DNAH14: variants seen among roughly 807,000 people sequenced by gnomAD.
DNAH14 encodes the protein dynein axonemal heavy chain 14, also known as axonemal beta dynein heavy chain 14.
In DNAH14, 478 loss-of-function variants were observed where a neutral mutation model predicts 520.9. The ratio of observed to expected loss-of-function variants is 0.92; its 90% CI spans 0.85 to 0.99. The LOEUF (loss-of-function observed/expected upper bound fraction) is 0.99, where lower values mean the gene tolerates loss of function less well. DNAH14 is among the 50% of genes least tolerant of loss of function. The pLI, the probability that DNAH14 is intolerant of heterozygous loss-of-function variation, is 0.00. For synonymous variants in DNAH14, 1,581 were observed against 1,757.2 expected, an observed-to-expected ratio of 0.90 and a Z score of 2.51; for missense variants, 4,831 against 5,234.5, an observed-to-expected ratio of 0.92 and a Z score of 2.38.
At chr1:224,990,467 T>G (rs998372234) in intron 8 of DNAH14, among the ~76,000 whole-genome samples, 3 of 152,190 alleles carry the variant, frequency 2.0e-5, no homozygotes, top group African/African-American at 7.2e-5. Context: ...TCTCCTCCAT[T>G]TCCCCTACCC....
intron 47 of DNAH14, 67 bp downstream of exon 47, chr1:225,264,328 T>C: frequency 1.7e-6 from 2 of 1,211,382 alleles, no homozygotes; most frequent in Non-Finnish European, 2.3e-6. Flanking sequence ...GTGTATATTA[T>C]TTCTTACATT....
At chr1:224,960,395 GAA>G in intron 4 of DNAH14, 93 bp downstream of exon 4, 1 of 1,288,316 alleles carries the variant, frequency 7.8e-7, no homozygotes, top group Non-Finnish European at 1.0e-6. Context: ...ACTGACTTTA[GAA>G]AAAACAGTCT....
At position 225,119,234 on chromosome 1, in the gene DNAH14, G is replaced by T; in HGVS notation, c.4106G>T (p.Arg1369Ile). 1 of 1,520,574 alleles carries T rather than the reference G, an allele frequency of 6.6e-7. No homozygotes were observed. The allele number at this position is 1,520,574 out of a possible 1,614,324, so 94.2% of individuals were successfully genotyped here. A position where few individuals can be genotyped will look rare whatever the true frequency, so the allele number is the denominator to read the frequency against. ...GLVLPKKIRVRSAVEQWLVNV... is the reference protein window; with the variant it reads ...GLVLPKKIRVISAVEQWLVNV... The stretch of plus-strand genomic sequence containing the variant: ...ACTAATTTTAGGAAAATTCGTGTAA[G>T]AAGTGCTGTAGAACAGTGGCTGGTA... Residue 1369 changes from arginine (R) to isoleucine (I), a missense_variant, in exon 26 of 86, where the codon AGA (arginine) becomes ATA (isoleucine). Arg to Ile is a moderately conservative substitution (Grantham distance 97, BLOSUM62 -3). Coordinates refer to ENST00000682510, the MANE Select transcript of DNAH14 (RefSeq NM_001367479.1).
intron 25 of DNAH14, chr1:225,118,303 T>A (rs2077022862): frequency 2.5e-6 from 1 of 397,848 alleles, no homozygotes; most frequent in East Asian, 5.1e-5. Flanking sequence ...GCTTTTTCCC[T>A]TTTTGGTTTT....
intron 44 of DNAH14, among the ~76,000 whole-genome samples, chr1:225,254,683 T>C (rs1426496736): frequency 6.6e-6 from 1 of 152,176 alleles, no homozygotes; most frequent in Non-Finnish European, 1.5e-5. Flanking sequence ...AAGCCTACAA[T>C]CTAAAACTGA....
chr1:225,060,827 C>T (rs112361213), intron 17 of DNAH14, among the ~76,000 whole-genome samples: 13,431 of 44,902 alleles, frequency 0.3, 6,290 homozygotes, highest in Non-Finnish European at 0.92. Context: ...TGCAGAACAG[C>T]GGATATTGGT....
chr1:225,180,758 GC>G (rs1459648088), intron 36 of DNAH14, among the ~76,000 whole-genome samples: 1 of 152,134 alleles, frequency 6.6e-6, no homozygotes, highest in Non-Finnish European at 1.5e-5. Flanking sequence ...CTTTCAAATA[GC>G]CTGTCTTTGA....
At chr1:224,950,801 TC>T (rs1210271470) in intron 1 of DNAH14, among the ~76,000 whole-genome samples, 6 of 152,224 alleles carry the variant, frequency 3.9e-5, no homozygotes, top group African/African-American at 1.4e-4. Flanking sequence ...AACACTAACT[TC>T]GAATCCCAGT....
chr1:225,240,675 T>C lies in DNAH14; in HGVS notation c.6601T>C (p.Trp2201Arg), dbSNP rs1415222472. Residue 2201 changes from tryptophan to arginine, a missense_variant, in exon 43 of 86, where the codon TGG becomes CGG. Coordinates refer to ENST00000682510, the MANE Select transcript of DNAH14 (RefSeq NM_001367479.1). ...IQKLFVFAFTWAFGGALNRED... is the reference protein window; with the variant it reads ...IQKLFVFAFTRAFGGALNRED... ...AAAGCTTTTTGTGTTTGCCTTTACT[T>C]GGGCATTTGGAGGAGCTTTAAACCG... is the stretch of plus-strand genomic sequence containing the variant. 5.2e-6 allele frequency: 8 copies of C among 1,550,912 alleles called. No homozygotes were observed. Among genetic ancestry groups the C allele is most frequent in the East Asian group, 2.4e-5 (1 of 40,828 alleles).
At chr1:225,351,606 G>C (rs1234520538) in intron 71 of DNAH14, 41 bp from the exon 72 acceptor site, 7 of 1,429,970 alleles carry the variant, frequency 4.9e-6, no homozygotes. Context: ...AAAGGTAAAG[G>C]TTTATCTCTT....
At chr1:225,262,006 T>A (rs1018607137) in intron 46 of DNAH14, among the ~76,000 whole-genome samples, 62 of 152,088 alleles carry the variant, frequency 4.1e-4, no homozygotes, top group African/African-American at 1.4e-3. Context: ...CGATTTTTTT[T>A]ATATAAAGGG....
At chr1:225,272,118 T>C (rs1335983505) in intron 51 of DNAH14, 45 bp downstream of exon 51, 8 of 1,499,694 alleles carry the variant, frequency 5.3e-6, no homozygotes, top group Non-Finnish European at 7.2e-6. Flanking sequence ...TAAATATAAG[T>C]TGCTCTCTCT....
chr1:225,257,358 A>G (rs2092773548), intron 44 of DNAH14, among the ~76,000 whole-genome samples: 1 of 152,210 alleles, frequency 6.6e-6, no homozygotes, highest in African/African-American at 2.4e-5. Context: ...TCTCCAATAC[A>G]TGCGACATTT....
chr1:225,358,658 C>T lies in DNAH14; in HGVS notation c.11776+6C>T. On this transcript the variant is annotated splice_donor_region_variant and intron_variant, in intron 74 of 85. Coordinates refer to ENST00000682510, the MANE Select transcript of DNAH14 (RefSeq NM_001367479.1). ...GATACTTATTCAAACTCATGGTAAG[C>T]TATTTGTGAATAGTTAAGATGATCG... 6.5e-7 allele frequency: 1 copy of T among 1,545,452 alleles called. No homozygotes were observed. Among genetic ancestry groups the T allele is most frequent in the Non-Finnish European group, 8.7e-7 (1 of 1,145,184 alleles).
chr1:224,990,075 C>T (rs559207690), intron 8 of DNAH14, among the ~76,000 whole-genome samples: 131 of 151,748 alleles, frequency 8.6e-4, no homozygotes, highest in African/African-American at 3.0e-3. Flanking sequence ...ATAAAATGAA[C>T]TAGGAAGTAT....
rs200064799 is a variant in DNAH14 at position 225,240,648 on chromosome 1, C to T, written c.6574C>T (p.Gln2192Ter). The part of the protein sequence containing the change: ...KNPDKLTKII[Q>*]KLFVFAFTWA... ...TCCTGATAAATTAACAAAAATTATT[C>T]AAAAGCTTTTTGTGTTTGCCTTTAC... The change falls in exon 43 of 86, where the codon CAA (glutamine) becomes TAA (stop). Residue 2192 changes from glutamine to a stop codon, truncating the protein, a stop_gained. Coordinates refer to ENST00000682510, the MANE Select transcript of DNAH14 (RefSeq NM_001367479.1). LOFTEE classifies it high-confidence loss of function. 2,023 of 1,550,530 alleles carry T rather than the reference C, an allele frequency of 1.3e-3. 26 individuals carry two copies. The highest frequency in any genetic ancestry group is 0.012 in the South Asian group (988 of 83,946).
chr1:225,161,258 T>G (rs946078787), intron 35 of DNAH14, among the ~76,000 whole-genome samples: 3 of 152,198 alleles, frequency 2.0e-5, no homozygotes, highest in Non-Finnish European at 2.9e-5. Flanking sequence ...CACAGATAAG[T>G]GAGAGCATGC....
Position 225,346,101 on chromosome 1 carries a change from T to G in DNAH14, c.10818T>G (p.Ile3606Met). Residue 3606 changes from isoleucine to methionine, a missense_variant, in exon 70 of 86, where the codon ATT becomes ATG. Physicochemically the swap from Ile to Met is conservative, Grantham distance 10. Coordinates refer to ENST00000682510, the MANE Select transcript of DNAH14 (RefSeq NM_001367479.1). ...IQAIRKNYLP[I>M]ATRGALLYFL... Reference sequence around the variant, plus strand: ...CAATACGTAAAAACTATCTCCCCATTGCGACCCGAGGCGCCCTGCTCTACT... The same window carrying G: ...CAATACGTAAAAACTATCTCCCCATGGCGACCCGAGGCGCCCTGCTCTACT... 1 of 1,551,700 alleles carries G rather than the reference T, an allele frequency of 6.4e-7. No homozygotes were observed. Among genetic ancestry groups the G allele is most frequent in the East Asian group, 2.4e-5 (1 of 40,920 alleles).
intron 8 of DNAH14, among the ~76,000 whole-genome samples, chr1:224,986,728 G>C (rs1218560395): frequency 2.0e-5 from 3 of 152,130 alleles, no homozygotes; most frequent in African/African-American, 7.2e-5. Flanking sequence ...TTGTTGTACT[G>C]AATGTGGAAA....
Sources: gnomAD v4.1 joint callset for allele counts (sites outside exome capture counted in the v4.1 genomes callset) on GRCh38, gnomAD v4.1.1 for gene constraint, MANE v1.5 for transcripts, NCBI Gene and HGNC (gene_info 2026-07-23, HGNC 2026-07-21) for gene names.